Variants in PLXNA4 observed in about 807,000 individuals in gnomAD.
PLXNA4 encodes plexin A4, also known as plexin-A4.
Under a neutral mutation model 191.8 loss-of-function variants are expected in PLXNA4, and 44 were observed. The observed-to-expected ratio is 0.23, with a 90% CI of 0.18 to 0.29. PLXNA4 has a LOEUF of 0.29. PLXNA4 is among the 10% of genes least tolerant of loss of function. PLXNA4 has a pLI of 1.00. For missense variants in PLXNA4, 1,800 were observed against 2,488.8 expected (o/e 0.72, Z 5.89); for synonymous variants, 1,082 against 1,009.5 (o/e 1.07, Z -1.36).
At chr7:132,560,412 A>G (rs569713601) in intron 1 of PLXNA4, among the ~76,000 whole-genome samples, 1 of 152,312 alleles carries the variant, frequency 6.6e-6, no homozygotes, top group South Asian at 2.1e-4. Flanking sequence ...ACATTGTCCA[A>G]GACAGTATGT....
At chr7:132,417,390 G>A (rs1284936093) in intron 3 of PLXNA4, among the ~76,000 whole-genome samples, 4 of 152,128 alleles carry the variant, frequency 2.6e-5, no homozygotes, top group East Asian at 3.9e-4. Context: ...CCCTTGCTTC[G>A]TGGTTGTTCC....
intron 2 of PLXNA4, among the ~76,000 whole-genome samples, chr7:132,490,992 G>C (rs1283834602): frequency 6.6e-6 from 1 of 152,050 alleles, no homozygotes. Flanking sequence ...GTAGTAGCTG[G>C]TGAAAAGCCC....
At chr7:132,578,982 G>C (rs560146650), upstream of PLXNA4, among the ~76,000 whole-genome samples, 117 of 152,288 alleles carry the variant, frequency 7.7e-4, 1 homozygote, top group Middle Eastern at 0.01. Context: ...CATCCTTCCA[G>C]GGTGGAGGAA....
rs150691327 is a variant in PLXNA4 at position 132,316,764 on chromosome 7, G to A, written c.1372-18542C>T. 3.5e-4 allele frequency among the ~76,000 whole-genome samples: 53 copies of A among 152,240 alleles called. No individual in the cohort carries two copies. In the East Asian group the frequency reaches 9.6e-3, roughly 28 times the overall value. ...CCTGTTGTTCTTACCATGCTATCTT[G>A]GCACCCACTTCTTTTTAAATAAGGG... On this transcript the variant is annotated intron_variant, in intron 3 of 31. Coordinates refer to ENST00000321063, the MANE Select transcript of PLXNA4 (RefSeq NM_020911.2).
chr7:132,134,952 G>A (rs1795070802), intron 30 of PLXNA4, among the ~76,000 whole-genome samples: 2 of 152,168 alleles, frequency 1.3e-5, no homozygotes, highest in Admixed American at 6.5e-5. Context: ...CAGGACACAG[G>A]GCTCTGAGTA....
At chr7:132,204,001 G>A (rs535627394) in intron 10 of PLXNA4, among the ~76,000 whole-genome samples, 18 of 152,274 alleles carry the variant, frequency 1.2e-4, no homozygotes, top group African/African-American at 4.1e-4. Flanking sequence ...GAGGCTGGGG[G>A]TTAAGAGAGA....
intron 2 of PLXNA4, among the ~76,000 whole-genome samples, chr7:132,635,935 T>G (rs1186903834): frequency 1.3e-5 from 2 of 152,142 alleles, no homozygotes; most frequent in Non-Finnish European, 2.9e-5. Flanking sequence ...GCAGCAAAGA[T>G]AGGATGCAAC....
chr7:132,418,568 G>A (rs1794741813), intron 3 of PLXNA4, among the ~76,000 whole-genome samples: 1 of 152,174 alleles, frequency 6.6e-6, no homozygotes, highest in African/African-American at 2.4e-5. Flanking sequence ...GCTAAGAACT[G>A]GTTCACAAAC....
In PLXNA4 at chr7:132,508,103, G is replaced by A. The variant is rs1194312034; in HGVS notation, c.591C>T (p.Pro197=). ...TGGTCAGTTTCCGGCTGGAGATGGT[G>A]GGAAAATACTCGGGCTTCCCATCCA... ...TAVDGKPEYF[P]TISSRKLTKN... is the part of the protein sequence containing the mutation. The change falls in exon 2 of 32, where the codon CCC becomes CCT. Residue 197 remains proline, a synonymous_variant. Transcript: ENST00000321063. The surrounding 1 kb of genome is among the most constrained non-coding windows in gnomAD (Gnocchi z 4.4). 3 of 1,614,096 alleles carry A rather than the reference G, an allele frequency of 1.9e-6. No homozygotes were observed. The highest frequency in any genetic ancestry group is 2.2e-5 in the East Asian group (1 of 44,892).
At chr7:132,201,009 AT>A (rs1467220294) in intron 12 of PLXNA4, among the ~76,000 whole-genome samples, 78 of 152,304 alleles carry the variant, frequency 5.1e-4, no homozygotes, top group African/African-American at 1.7e-3. Context: ...ATGTGTCCTT[AT>A]TTGAAGACAG....
intron 29 of PLXNA4, among the ~76,000 whole-genome samples, chr7:132,141,411 C>T (rs1285157277): frequency 6.6e-6 from 1 of 152,160 alleles, no homozygotes; most frequent in Non-Finnish European, 1.5e-5. Flanking sequence ...CCTCATGGGC[C>T]CCATCGTATT....
intron 3 of PLXNA4, among the ~76,000 whole-genome samples, chr7:132,397,535 G>A (rs1251296997): frequency 2.0e-5 from 3 of 152,172 alleles, no homozygotes; most frequent in East Asian, 1.9e-4. Context: ...GACCCAAAGA[G>A]GTGAGCAGAT....
intron 3 of PLXNA4, among the ~76,000 whole-genome samples, chr7:132,435,088 G>A (rs149945839): frequency 2.3e-3 from 357 of 152,216 alleles, no homozygotes; most frequent in African/African-American, 8.1e-3. Context: ...GGACACATCA[G>A]CCTATATCTC....
rs1563048112 is a variant in PLXNA4 at position 132,132,435 on chromosome 7, CTGTTCTGT to C, written c.5589+606_5589+613del. Among the ~76,000 whole-genome samples, 29 of 76,082 alleles carry C rather than the reference CTGTTCTGT, an allele frequency of 3.8e-4. No individual in the cohort carries two copies. The South Asian group carries it at 8.2e-3, about 22-fold the overall frequency. The allele number at this position is 76,082 out of a possible 152,430, so 49.9% of individuals were successfully genotyped here. ...CTGTTCTGTTCTGTTCTGTTCTGTT[CTGTTCTGT>C]TCTGTTCTGTTCTGTTCTGTTCTGC... is the stretch of plus-strand genomic sequence containing the variant. On this transcript the variant is annotated intron_variant, in intron 31 of 31. Transcript: ENST00000321063.
chr7:132,631,957 G>A (rs1048286556), intron 2 of PLXNA4, among the ~76,000 whole-genome samples: 5 of 152,082 alleles, frequency 3.3e-5, no homozygotes, highest in Admixed American at 6.5e-5. Flanking sequence ...GAGGAAGATC[G>A]GGCATAGTGG....
chr7:132,235,218 C>A (rs7787272), intron 5 of PLXNA4, among the ~76,000 whole-genome samples: 100,836 of 152,122 alleles, frequency 0.66, 34,585 homozygotes, highest in African/African-American at 0.84. Context: ...AGTCGAGGCC[C>A]TTTGGGCCAC....
At chr7:132,225,625 C>CA (rs1554395255) in intron 8 of PLXNA4, among the ~76,000 whole-genome samples, 26 of 145,288 alleles carry the variant, frequency 1.8e-4, no homozygotes, top group South Asian at 6.4e-4. Context: ...CGCCCCCCCC[C>CA]ACAGCTTTCT....
chr7:132,566,299 C>T (rs1045829584), intron 1 of PLXNA4, among the ~76,000 whole-genome samples: 1 of 151,452 alleles, frequency 6.6e-6, no homozygotes, highest in Non-Finnish European at 1.5e-5. Flanking sequence ...CTCTCCCTCT[C>T]TCTCTCACAC....
At chr7:132,363,274 C>G (rs529215816) in intron 3 of PLXNA4, among the ~76,000 whole-genome samples, 3 of 152,134 alleles carry the variant, frequency 2.0e-5, no homozygotes, top group Non-Finnish European at 4.4e-5. Flanking sequence ...CATGAGCCAC[C>G]GCACCCAGTC....
Sources: allele counts gnomAD v4.1 joint callset (sites outside exome capture counted in the v4.1 genomes callset), GRCh38; gene constraint gnomAD v4.1.1; non-coding constraint Gnocchi (gnomAD v3.1); transcripts MANE v1.5; gene names NCBI Gene and HGNC (gene_info 2026-07-23, HGNC 2026-07-21).